ACSBG2: variants seen among roughly 807,000 people sequenced by gnomAD.
The protein encoded by ACSBG2 is acyl-CoA synthetase bubblegum family member 2.
ACSBG2 carries 62 observed loss-of-function variants against 74.7 expected under a neutral mutation model. The ratio of observed to expected loss-of-function variants is 0.83; its 90% CI spans 0.68 to 1.03. The LOEUF is 1.03. Among genes scored for constraint, ACSBG2 ranks in the 50% least tolerant of loss-of-function variants. The pLI is 0.00. For missense variants in ACSBG2, 730 were observed against 817.6 expected (o/e 0.89, Z 1.31); for synonymous variants, 309 against 294.1 (o/e 1.05, Z -0.52).
rs1248749884 is a variant in ACSBG2 at position 6,147,437 on chromosome 19, T to G, written c.68-9T>G. ...ACATTTGCCACCCAACTCTGGTGAC[T>G]ATTTGCAGTTACTCCCAGGCTGTGG... On this transcript the variant is annotated splice_polypyrimidine_tract_variant and intron_variant, in intron 2 of 14. Transcript: ENST00000588485. The G allele has an allele frequency of 6.2e-7, 1 of 1,611,368 alleles. No individual in the cohort carries two copies.
At position 6,174,914 on chromosome 19, in the gene ACSBG2, A is replaced by C. The variant is rs16993432; in HGVS notation, c.739-2315A>C. On this transcript the variant is annotated intron_variant, in intron 7 of 14. Transcript: ENST00000588485. The surrounding 1 kb of genome is among the most constrained non-coding windows in gnomAD (Gnocchi z 4.2). ...TGTAGGGAACACTATGTTCAGTGCTAAGATAAACACATTTTAACTCCCCAC... is the reference window on the plus strand; with the variant it reads ...TGTAGGGAACACTATGTTCAGTGCTCAGATAAACACATTTTAACTCCCCAC... Among the ~76,000 whole-genome samples, 15,922 of 151,956 alleles carry C rather than the reference A, an allele frequency of 0.1. 1,664 individuals carry two copies. The highest frequency in any genetic ancestry group is 0.27 in the African/African-American group (11,234 of 41,428).
Position 6,141,622 on chromosome 19 carries a change from TA to T in ACSBG2, c.67+15del. On this transcript the variant is annotated intron_variant, in intron 2 of 14. Coordinates refer to ENST00000588485, the MANE Select transcript of ACSBG2 (RefSeq NM_030924.5). ...GAATAAAACAGAAGGTATATTGCAC[TA>T]AAGAGTACGTGGGAGAGAGAGTGGC... The T allele has an allele frequency of 6.5e-7, 1 of 1,529,282 alleles. No individual in the cohort carries two copies. Among genetic ancestry groups the T allele is most frequent in the Non-Finnish European group, 9.1e-7 (1 of 1,102,634 alleles). The allele number at this position is 1,529,282 out of a possible 1,614,324, so 94.7% of individuals were successfully genotyped here.
rs1347408184 is a variant in ACSBG2, at chr19:6,183,280, C to G, written c.1322+8C>G. The G allele has an allele frequency of 6.2e-7, 1 of 1,611,518 alleles. No homozygotes were observed. The highest frequency in any genetic ancestry group is 1.1e-5 in the South Asian group (1 of 91,036). On this transcript the variant is annotated splice_region_variant and intron_variant, in intron 10 of 14. Transcript: ENST00000588485. ...TAACTACAGGCTTCTAAGGTACCAG[C>G]CCCCGGGGCAGACCCCTGCTCCTCC...
intron 13 of ACSBG2, chr19:6,190,185 C>T (rs1013788492): frequency 1.5e-5 from 3 of 194,772 alleles, no homozygotes; most frequent in African/African-American, 6.9e-5. Context: ...AGGGAGCAGA[C>T]AACTCCCAGT....
intron 7 of ACSBG2, among the ~76,000 whole-genome samples, chr19:6,173,115 G>A (rs1568242518): frequency 6.6e-6 from 1 of 152,182 alleles, no homozygotes; most frequent in Admixed American, 6.5e-5. Context: ...TTTGTCCCAA[G>A]GGGGGCTTTG....
Position 6,190,591 on chromosome 19 carries a change from G to T in ACSBG2, c.1935G>T (p.Met645Ile). Reference sequence around the variant, plus strand: ...TTTCTCCTTTCTCGATAGGTCCAATGATGAAACTTAAGAGACATTTTGTAG... The same window carrying T: ...TTTCTCCTTTCTCGATAGGTCCAATTATGAAACTTAAGAGACATTTTGTAG... ...FSIYGGELGPMMKLKRHFVAQ... is the reference protein window; with the variant it reads ...FSIYGGELGPIMKLKRHFVAQ... The change falls in exon 14 of 15, where the codon ATG becomes ATT. Residue 645 changes from methionine to isoleucine, a missense_variant. Coordinates refer to ENST00000588485, the MANE Select transcript of ACSBG2 (RefSeq NM_030924.5). 6 of 1,613,870 alleles carry T rather than the reference G, an allele frequency of 3.7e-6. No homozygotes were observed. Among genetic ancestry groups the T allele is most frequent in the Non-Finnish European group, 5.1e-6 (6 of 1,179,794 alleles).
chr19:6,187,413 G>A lies in ACSBG2; in HGVS notation c.1671G>A (p.Leu557=). The change falls in exon 12 of 15, where the codon CTG becomes CTA. Residue 557 remains leucine (L), a synonymous_variant. Transcript: ENST00000588485. Reference sequence around the variant, plus strand: ...AACTGAAGTTTCTGAGCATGTTGCTGACGCTGAAGGTAACATGGGTTTGCT... The same window carrying A: ...AACTGAAGTTTCTGAGCATGTTGCTAACGCTGAAGGTAACATGGGTTTGCT... The part of the protein sequence containing the change: ...GDKLKFLSML[L]TLKCEMNQMS... The A allele has an allele frequency of 6.2e-7, 1 of 1,614,178 alleles. No homozygotes were observed. The highest frequency in any genetic ancestry group is 8.5e-7 in the Non-Finnish European group (1 of 1,180,034).
chr19:6,187,301 G>T lies in ACSBG2; in HGVS notation c.1559G>T (p.Gly520Val), dbSNP rs907811423. 2 of 1,614,076 alleles carry T rather than the reference G, an allele frequency of 1.2e-6. No homozygotes were observed. The highest frequency in any genetic ancestry group is 1.7e-6 in the Non-Finnish European group (2 of 1,180,044). ...GHIKEILITAGGENVPPIPVE... is the reference protein window; with the variant it reads ...GHIKEILITAVGENVPPIPVE... Reference sequence around the variant, plus strand: ...GTTCCAGAAATCCTTATCACTGCTGGTGGTGAAAATGTGCCCCCCATTCCT... The same window carrying T: ...GTTCCAGAAATCCTTATCACTGCTGTTGGTGAAAATGTGCCCCCCATTCCT... The change falls in exon 12 of 15, where the codon GGT becomes GTT. Residue 520 changes from glycine to valine, a missense_variant. Gly to Val is a moderately radical substitution (Grantham distance 109). Coordinates refer to ENST00000588485, the MANE Select transcript of ACSBG2 (RefSeq NM_030924.5).
chr19:6,157,156 G>C (rs2089453383), intron 5 of ACSBG2, among the ~76,000 whole-genome samples: 1 of 152,182 alleles, frequency 6.6e-6, no homozygotes, highest in African/African-American at 2.4e-5. Context: ...CACCGTGTTA[G>C]CCAGGATGGT....
In ACSBG2 at chr19:6,161,308, G is replaced by A; in HGVS notation, c.588+13G>A. 1.9e-6 allele frequency: 3 copies of A among 1,610,594 alleles called. No homozygotes were observed. The highest frequency in any genetic ancestry group is 1.7e-5 in the Admixed American group (1 of 59,962). ...CAACTTGTACTCTGTAAGTGTGGGA[G>A]GTGGGCACTGGGGAAAGGGGAGGGC... On this transcript the variant is annotated intron_variant, in intron 6 of 14. Transcript: ENST00000588485.
chr19:6,162,548 C>A (rs1433940473), intron 6 of ACSBG2, among the ~76,000 whole-genome samples: 3 of 108,604 alleles, frequency 2.8e-5, no homozygotes. Flanking sequence ...GCCTGGGCAA[C>A]AGAGCAAGAC....
intron 1 of ACSBG2, among the ~76,000 whole-genome samples, 184 bp downstream of exon 1, chr19:6,136,093 A>G (rs535661677): frequency 3.3e-5 from 5 of 149,932 alleles, no homozygotes; most frequent in Non-Finnish European, 7.4e-5. Flanking sequence ...GGCGCCTGCC[A>G]CCATGTCCAG....
At chr19:6,177,162 A>T in intron 7 of ACSBG2, 67 bp from the exon 8 acceptor site, 1 of 1,551,530 alleles carries the variant, frequency 6.4e-7, no homozygotes, top group Admixed American at 1.9e-5. Flanking sequence ...AAAAATAAAT[A>T]AAAATTTAAA....
Position 6,160,847 on chromosome 19 carries a change from C to A in ACSBG2, c.508-368C>A, listed in dbSNP as rs546210757. The A allele has an allele frequency of 8.4e-5, 15 of 177,644 alleles. No homozygotes were observed. The South Asian group carries it at 1.9e-3, about 22-fold the overall frequency. 11.0% of individuals were successfully genotyped at this position (177,644 alleles called of 1,614,324 possible). ...GGGCACAGTGGCTCACGCCTGTAAT[C>A]CCAGCACTTTGGGAGGCCGAGGCGG... On this transcript the variant is annotated intron_variant, in intron 5 of 14. Coordinates refer to ENST00000588485, the MANE Select transcript of ACSBG2 (RefSeq NM_030924.5).
intron 5 of ACSBG2, among the ~76,000 whole-genome samples, chr19:6,157,550 G>A (rs2089466315): frequency 6.6e-6 from 1 of 152,104 alleles, no homozygotes; most frequent in South Asian, 2.1e-4. Context: ...GTGACAGAGA[G>A]AGACCCTGTC....
chr19:6,161,177 C>T, intron 5 of ACSBG2, 38 bp from the exon 6 acceptor site: 1 of 1,567,060 alleles, frequency 6.4e-7, no homozygotes, highest in Non-Finnish European at 8.8e-7. Flanking sequence ...TTTCCCAGGG[C>T]TGGGTTGCCA....
intron 10 of ACSBG2, 141 bp from the exon 11 acceptor site, chr19:6,185,295 A>T: frequency 2.7e-5 from 21 of 765,702 alleles, no homozygotes; most frequent in Non-Finnish European, 3.8e-5. Context: ...TGCAGCAAAC[A>T]CCTCCTTCTG....
chr19:6,188,105 G>A (rs2090459700), intron 13 of ACSBG2, among the ~76,000 whole-genome samples: 1 of 152,186 alleles, frequency 6.6e-6, no homozygotes, highest in Admixed American at 6.5e-5. Flanking sequence ...GGGCTTTCTT[G>A]ATGTTCCTGC....
intron 6 of ACSBG2, 24 bp downstream of exon 6, chr19:6,161,319 G>A (rs969779818): frequency 1.2e-6 from 2 of 1,605,714 alleles, no homozygotes; most frequent in Admixed American, 1.7e-5. Context: ...GTGGGCACTG[G>A]GGAAAGGGGA....
Sources: allele counts gnomAD v4.1 joint callset (sites outside exome capture counted in the v4.1 genomes callset), GRCh38; gene constraint gnomAD v4.1.1; non-coding constraint Gnocchi (gnomAD v3.1); transcripts MANE v1.5; gene names NCBI Gene and HGNC (gene_info 2026-07-23, HGNC 2026-07-21).